The following NRG1 variants were observed in gnomAD, a reference collection of about 807,000 sequenced individuals.
NRG1 encodes the protein neuregulin 1, also known as pro-neuregulin-1, membrane-bound isoform.
A neutral mutation model predicts 63.8 loss-of-function variants in NRG1; 18 were observed. The ratio of observed to expected loss-of-function variants is 0.28; its 90% CI spans 0.19 to 0.42. The LOEUF (loss-of-function observed/expected upper bound fraction) is 0.42. NRG1 is among the 10% of genes least tolerant of loss of function. The pLI, the probability that NRG1 is intolerant of heterozygous loss-of-function variation, is 1.00. For missense variants in NRG1, 762 were observed against 814.7 expected (o/e 0.94, Z 0.79); for synonymous variants, 302 against 301.3 (o/e 1.00, Z -0.02).
chr8:31,731,219 A>G (rs1332237841), intron 1 of NRG1, among the ~76,000 whole-genome samples: 1 of 152,178 alleles, frequency 6.6e-6, no homozygotes, highest in East Asian at 1.9e-4. Context: ...AGCTATATAT[A>G]CAAAGGGTGT....
chr8:32,019,845 A>T (rs936147554), intron 1 of NRG1, among the ~76,000 whole-genome samples: 1 of 152,094 alleles, frequency 6.6e-6, no homozygotes, highest in Non-Finnish European at 1.5e-5. Flanking sequence ...TAAACCATAT[A>T]CCTGTGGGTC....
chr8:31,873,390 C>G (rs1156460773), intron 1 of NRG1, among the ~76,000 whole-genome samples: 1 of 152,094 alleles, frequency 6.6e-6, no homozygotes, highest in Non-Finnish European at 1.5e-5. Context: ...GAAACCCCGT[C>G]TCTACTAAAA....
chr8:32,754,563 C>A, intron 8 of NRG1, 89 bp downstream of exon 8: 1 of 1,202,878 alleles, frequency 8.3e-7, no homozygotes, highest in Non-Finnish European at 1.2e-6. Flanking sequence ...GCTCCACAGC[C>A]TAGTCTTGGG....
chr8:31,905,534 G>A (rs1832453702), intron 1 of NRG1, among the ~76,000 whole-genome samples: 1 of 152,152 alleles, frequency 6.6e-6, no homozygotes, highest in Admixed American at 6.5e-5. Context: ...CTGTTCTTAA[G>A]TTATGTTTCT....
intron 2 of NRG1, among the ~76,000 whole-genome samples, chr8:32,602,462 G>T (rs531098838): frequency 2.6e-5 from 4 of 152,072 alleles, no homozygotes; most frequent in Admixed American, 2.6e-4. Flanking sequence ...GTCAAGAAAG[G>T]GGTCTTTACA....
At chr8:32,765,636 G>C (rs925217363) in exon 12 of NRG1, 14 of 152,022 alleles carry the variant, frequency 9.2e-5, no homozygotes, top group African/African-American at 2.9e-4. Flanking sequence ...TTTTTATCAG[G>C]AATGGCCGAT....
At chr8:31,741,680 T>A (rs1019846976) in intron 1 of NRG1, among the ~76,000 whole-genome samples, 12 of 152,034 alleles carry the variant, frequency 7.9e-5, no homozygotes, top group African/African-American at 2.9e-4. Flanking sequence ...TCATTTATCA[T>A]CCAGTATTAA....
rs180750180 is a variant in NRG1 at position 31,756,858 on chromosome 8, G to A, written c.37+117427G>A. On this transcript the variant is annotated intron_variant, in intron 1 of 10. Transcript: ENST00000519301. ...TGGCTTCCATCTTGTTGCTTTGTTT[G>A]TGCATTTATTTCCATTTTGGTATCT... 3.8e-3 allele frequency among the ~76,000 whole-genome samples: 584 copies of A among 152,212 alleles called. 1 individual carries two copies. Among genetic ancestry groups the A allele is most frequent in the Middle Eastern group, 0.02 (6 of 294 alleles).
intron 1 of NRG1, among the ~76,000 whole-genome samples, chr8:31,906,846 A>G (rs1279051563): frequency 6.6e-6 from 1 of 152,198 alleles, no homozygotes; most frequent in Non-Finnish European, 1.5e-5. Flanking sequence ...TGAAATGGAC[A>G]CAAACATGGC....
chr8:32,503,854 C>T (rs915295474), intron 1 of NRG1, among the ~76,000 whole-genome samples: 1 of 152,118 alleles, frequency 6.6e-6, no homozygotes, highest in Non-Finnish European at 1.5e-5. Context: ...AGATCAGGTG[C>T]ACCGTTTGAC....
chr8:31,952,670 A>C (rs414945), intron 1 of NRG1, among the ~76,000 whole-genome samples: 136,929 of 152,298 alleles, frequency 0.9, 62,354 homozygotes, highest in African/African-American at 0.97. Context: ...GATTTCCTAC[A>C]TTGGCCTTGG....
At chr8:31,996,264 G>T (rs534845448) in intron 1 of NRG1, among the ~76,000 whole-genome samples, 2 of 151,654 alleles carry the variant, frequency 1.3e-5, no homozygotes, top group East Asian at 3.9e-4. Context: ...CTTTATATTG[G>T]CACTCCAATT....
At chr8:31,840,709 C>G (rs1826119545) in intron 1 of NRG1, among the ~76,000 whole-genome samples, 1 of 152,112 alleles carries the variant, frequency 6.6e-6, no homozygotes, top group African/African-American at 2.4e-5. Context: ...CCATTTTTCT[C>G]TGTGTGACGG....
intron 1 of NRG1, among the ~76,000 whole-genome samples, chr8:32,294,779 C>A (rs1470858158): frequency 1.3e-5 from 2 of 151,770 alleles, no homozygotes; most frequent in African/African-American, 2.4e-5. Flanking sequence ...ATTTCTAATT[C>A]TTTGTTCTCG....
chr8:32,270,299 C>T (rs1466537990), intron 1 of NRG1, among the ~76,000 whole-genome samples: 1 of 152,152 alleles, frequency 6.6e-6, no homozygotes, highest in African/African-American at 2.4e-5. Context: ...GGATCAGAAG[C>T]AGGCTTTGAT....
chr8:32,006,808 A>G (rs539071095), intron 1 of NRG1, among the ~76,000 whole-genome samples: 5 of 152,202 alleles, frequency 3.3e-5, no homozygotes, highest in African/African-American at 1.2e-4. Flanking sequence ...CCAGTAAGCC[A>G]TCACCTTGAC....
chr8:32,127,281 G>T (rs1440309321), intron 1 of NRG1, among the ~76,000 whole-genome samples: 1 of 151,802 alleles, frequency 6.6e-6, no homozygotes, highest in Non-Finnish European at 1.5e-5. Context: ...TGGAAACAAA[G>T]GGCTTACAGC....
chr8:32,241,001 G>A (rs1848047137), intron 1 of NRG1, among the ~76,000 whole-genome samples: 1 of 152,088 alleles, frequency 6.6e-6, no homozygotes, highest in Non-Finnish European at 1.5e-5. Context: ...ATACAAGCCA[G>A]CAGAAAAAGG....
intron 1 of NRG1, among the ~76,000 whole-genome samples, chr8:32,241,973 A>T (rs960557419): frequency 6.6e-6 from 1 of 151,988 alleles, no homozygotes; most frequent in Non-Finnish European, 1.5e-5. Flanking sequence ...GGCTGATCTT[A>T]AACTCCTAGC....
Sources: gnomAD v4.1 joint callset for allele counts (sites outside exome capture counted in the v4.1 genomes callset) on GRCh38, gnomAD v4.1.1 for gene constraint, MANE v1.5 for transcripts, NCBI Gene and HGNC (gene_info 2026-07-23, HGNC 2026-07-21) for gene names.